CEP95: variants seen among roughly 807,000 people sequenced by gnomAD.
CEP95 encodes centrosomal protein of 95 kDa.
A neutral mutation model predicts 111.2 loss-of-function variants in CEP95; 98 were observed. That is an observed-to-expected ratio of 0.88 (90% CI 0.75 to 1.04). The LOEUF (loss-of-function observed/expected upper bound fraction) is 1.04, where lower values mean the gene tolerates loss of function less well. CEP95 is among the 50% of genes least tolerant of loss of function. CEP95 has a pLI of 0.00. For synonymous variants in CEP95, 323 were observed against 327.1 expected, an observed-to-expected ratio of 0.99 and a Z score of 0.14; for missense variants, 1,027 against 977.2, an observed-to-expected ratio of 1.05 and a Z score of -0.68.
At chr17:64,528,780 G>A (rs1365530576) in intron 11 of CEP95, among the ~76,000 whole-genome samples, 4 of 152,140 alleles carry the variant, frequency 2.6e-5, no homozygotes, top group African/African-American at 9.7e-5. Context: ...GAAGGAAATG[G>A]TTTATTAGAT....
intron 3 of CEP95, among the ~76,000 whole-genome samples, chr17:64,513,440 C>T (rs1427786410): frequency 6.6e-6 from 1 of 152,072 alleles, no homozygotes; most frequent in Non-Finnish European, 1.5e-5. Context: ...TTTTGCCAAC[C>T]CATTTCTATT....
In CEP95 at chr17:64,516,764, C is replaced by T. The variant is rs1291620052; in HGVS notation, c.409C>T (p.Arg137Cys). 2.2e-5 allele frequency: 35 copies of T among 1,612,412 alleles called. No individual in the cohort carries two copies. The highest frequency in any genetic ancestry group is 2.7e-5 in the Non-Finnish European group (32 of 1,178,672). The change falls in exon 5 of 20, where the codon CGT becomes TGT. Residue 137 changes from arginine to cysteine, a missense_variant. Arg to Cys is a radical substitution (Grantham distance 180). Transcript: ENST00000556440. ...QYFKESDRGERLEEPESTKES... is the reference protein window; with the variant it reads ...QYFKESDRGECLEEPESTKES... Reference sequence around the variant, plus strand: ...TTTTAAAGAATCTGATCGAGGAGAACGTTTGGAAGAGCCAGAAAGTACTAA... The same window carrying T: ...TTTTAAAGAATCTGATCGAGGAGAATGTTTGGAAGAGCCAGAAAGTACTAA...
Position 64,514,290 on chromosome 17 carries a change from T to C in CEP95, c.299T>C (p.Leu100Pro). The C allele has an allele frequency of 6.7e-7, 1 of 1,500,666 alleles. No individual in the cohort carries two copies. The highest frequency in any genetic ancestry group is 9.1e-7 in the Non-Finnish European group (1 of 1,101,354). 93.0% of individuals were successfully genotyped at this position (1,500,666 alleles called of 1,614,324 possible). A position where few individuals can be genotyped will look rare whatever the true frequency, so the allele number is the denominator to read the frequency against. Residue 100 changes from leucine (L) to proline (P), a missense_variant, in exon 4 of 20, where the codon CTC (leucine) becomes CCC (proline). Transcript: ENST00000556440. The part of the protein sequence containing the change: ...VKGDKESIKN[L>P]LEIFDGLLEY... ...GGAGATAAAGAATCTATTAAGAATC[T>C]CCTGGAAATATTTGATGGTTTGTTG...
chr17:64,530,896 A>C, intron 12 of CEP95, 30 bp from the exon 13 acceptor site: 1 of 1,311,148 alleles, frequency 7.6e-7, no homozygotes, highest in South Asian at 1.4e-5. Context: ...TGTTTTTAAT[A>C]ACTGTAATAT....
chr17:64,527,733 C>G (rs1174579645), intron 11 of CEP95, among the ~76,000 whole-genome samples: 3 of 151,976 alleles, frequency 2.0e-5, no homozygotes, highest in Admixed American at 6.6e-5. Context: ...CCAGCTCATT[C>G]ATTTTAACTG....
At chr17:64,517,808 A>C (rs970359792) in intron 5 of CEP95, among the ~76,000 whole-genome samples, 2 of 150,312 alleles carry the variant, frequency 1.3e-5, no homozygotes, top group Non-Finnish European at 2.9e-5. Flanking sequence ...TGCTGGGATT[A>C]TAGGCATGAC....
chr17:64,525,992 A>G, intron 9 of CEP95, 79 bp from the exon 10 acceptor site: 1 of 1,521,234 alleles, frequency 6.6e-7, no homozygotes, highest in Admixed American at 2.1e-5. Flanking sequence ...AGTATTTGTT[A>G]AAGTACGTAT....
intron 8 of CEP95, among the ~76,000 whole-genome samples, chr17:64,523,254 C>G (rs1412832768): frequency 1.3e-5 from 2 of 152,078 alleles, no homozygotes; most frequent in Non-Finnish European, 2.9e-5. Flanking sequence ...TAATTTACTG[C>G]CCATAACAAC....
chr17:64,523,585 A>T (rs1337990955), intron 8 of CEP95, among the ~76,000 whole-genome samples: 2 of 151,620 alleles, frequency 1.3e-5, no homozygotes, highest in Non-Finnish European at 2.9e-5. Context: ...AAAAGAAAAA[A>T]CCTTTTTTAT....
At chr17:64,509,466 C>T (rs976790475) in intron 2 of CEP95, among the ~76,000 whole-genome samples, 1 of 152,200 alleles carries the variant, frequency 6.6e-6, no homozygotes, top group Non-Finnish European at 1.5e-5. Flanking sequence ...AGGTGGATCA[C>T]CTGAGGCCAG....
rs782406587 is a variant in CEP95, at chr17:64,533,160, T to A, written c.1886T>A (p.Val629Asp). ...LRRHDLLTTL[V>D]KKEYEHNKRL... ...AGGCATGACCTCCTTACTACCCTTG[T>A]CAAGAAAGAATATGAACATAACAAG... Residue 629 changes from valine (V) to aspartate (D), a missense_variant, in exon 16 of 20, where the codon GTC becomes GAC. Coordinates refer to ENST00000556440, the MANE Select transcript of CEP95 (RefSeq NM_138363.3). 1 of 1,590,892 alleles carries A rather than the reference T, an allele frequency of 6.3e-7. No individual in the cohort carries two copies. The highest frequency in any genetic ancestry group is 1.2e-5 in the South Asian group (1 of 86,758).
chr17:64,526,005 C>T, intron 9 of CEP95, 66 bp from the exon 10 acceptor site: 1 of 1,550,636 alleles, frequency 6.4e-7, no homozygotes, highest in Non-Finnish European at 8.8e-7. Context: ...GTACGTATTA[C>T]AGTTATTTTA....
rs575477088 is a variant in CEP95 at position 64,509,518 on chromosome 17, C to T, written c.149-655C>T. ...TGGCCAATATGGCAAAATGCCATCTCTGCTAAAAATACAAAAATTAGCCAG... is the reference window on the plus strand; with the variant it reads ...TGGCCAATATGGCAAAATGCCATCTTTGCTAAAAATACAAAAATTAGCCAG... On this transcript the variant is annotated intron_variant, in intron 2 of 19. Coordinates refer to ENST00000556440, the MANE Select transcript of CEP95 (RefSeq NM_138363.3). Among the ~76,000 whole-genome samples, 27 of 152,278 alleles carry T rather than the reference C, an allele frequency of 1.8e-4. No homozygotes were observed. In the South Asian group the frequency reaches 1.9e-3, roughly 11 times the overall value.
chr17:64,536,738 A>AT lies in CEP95; in HGVS notation c.2208dup (p.Lys737Ter). The AT allele has an allele frequency of 6.2e-7, 1 of 1,603,374 alleles. No homozygotes were observed. Among genetic ancestry groups the AT allele is most frequent in the Non-Finnish European group, 8.5e-7 (1 of 1,177,160 alleles). On this transcript the variant is annotated frameshift_variant, in exon 18 of 20. Coordinates refer to ENST00000556440, the MANE Select transcript of CEP95 (RefSeq NM_138363.3). LOFTEE classifies it high-confidence loss of function. ...GAACTGGACTCCATGGAGAACTACT[A>AT]TAAGGACCAGGTGGGCTCCTGGCAC...
rs782234603 is a variant in CEP95, at chr17:64,525,785, C to T, written c.925C>T (p.Leu309Phe). The T allele has an allele frequency of 1.2e-6, 2 of 1,604,884 alleles. No individual in the cohort carries two copies. Among genetic ancestry groups the T allele is most frequent in the African/African-American group, 1.3e-5 (1 of 74,290 alleles). The change falls in exon 9 of 20, where the codon CTT (leucine) becomes TTT (phenylalanine). Residue 309 changes from leucine (L) to phenylalanine (F), a missense_variant. Transcript: ENST00000556440. ...TEFSGDLDDG[L>F]FLISKLPKGS... ...TTTTTAATAGGATCTAGATGATGGACTTTTCTTAATTTCCAAGTTGCCTAA... is the reference window on the plus strand; with the variant it reads ...TTTTTAATAGGATCTAGATGATGGATTTTTCTTAATTTCCAAGTTGCCTAA...
chr17:64,531,854 CTTTTAT>C lies in CEP95; in HGVS notation c.1540-28_1540-23del, dbSNP rs531340961. 700 of 1,441,862 alleles carry C rather than the reference CTTTTAT, an allele frequency of 4.9e-4. 7 individuals carry two copies. The African/African-American group carries it at 9.0e-3, about 18-fold the overall frequency. 89.3% of individuals were successfully genotyped at this position (1,441,862 alleles called of 1,614,324 possible). On this transcript the variant is annotated intron_variant, in intron 13 of 19. Coordinates refer to ENST00000556440, the MANE Select transcript of CEP95 (RefSeq NM_138363.3). Reference sequence around the variant, plus strand: ...ATGATGTATGAAAGAACTGTTAGACCTTTTATTTTTATTCTGTTTTATATCTGCTTC... The same window carrying C: ...ATGATGTATGAAAGAACTGTTAGACCTTTTATTCTGTTTTATATCTGCTTC...
intron 3 of CEP95, among the ~76,000 whole-genome samples, chr17:64,513,041 A>G (rs2038973903): frequency 6.6e-6 from 1 of 152,016 alleles, no homozygotes; most frequent in African/African-American, 2.4e-5. Flanking sequence ...TTGTCAGTAT[A>G]CTCCCCATCC....
intron 10 of CEP95, 71 bp from the exon 11 acceptor site, chr17:64,527,035 TAAAGG>T: frequency 8.3e-7 from 1 of 1,208,386 alleles, no homozygotes; most frequent in Admixed American, 2.2e-5. Context: ...GAAGCTTTTT[TAAAGG>T]TCTGCCTACT....
intron 3 of CEP95, among the ~76,000 whole-genome samples, chr17:64,511,498 C>T (rs1255871161): frequency 5.3e-5 from 8 of 152,280 alleles, no homozygotes; most frequent in Middle Eastern, 3.4e-3. Context: ...CTGTTCCGCC[C>T]GGCTCACCAA....
Sources: allele counts gnomAD v4.1 joint callset (sites outside exome capture counted in the v4.1 genomes callset), GRCh38; gene constraint gnomAD v4.1.1; transcripts MANE v1.5; gene names NCBI Gene and HGNC (gene_info 2026-07-23, HGNC 2026-07-21).